Variants in SLIT2 observed in about 807,000 individuals in gnomAD.
SLIT2 encodes the protein slit homolog 2 protein.
SLIT2 carries 41 observed loss-of-function variants against 185.7 expected under a neutral mutation model. The observed-to-expected ratio is 0.22, with a 90% CI of 0.17 to 0.29. SLIT2 has a LOEUF of 0.29. Ranked by LOEUF, SLIT2 falls within the 10% of genes least tolerant of loss-of-function variation. The pLI is 1.00. For synonymous variants in SLIT2, 693 were observed against 680.2 expected (o/e 1.02, Z -0.29); for missense variants, 1,571 against 1,909.0 (o/e 0.82, Z 3.30).
intron 4 of SLIT2, among the ~76,000 whole-genome samples, chr4:20,291,786 G>A (rs909121282): frequency 2.2e-4 from 33 of 151,810 alleles, no homozygotes; most frequent in Admixed American, 2.0e-3. Context: ...TCTCTAAGCC[G>A]AGTGCCATGG....
intron 5 of SLIT2, among the ~76,000 whole-genome samples, chr4:20,471,135 G>A (rs1299749820): frequency 6.6e-6 from 1 of 152,100 alleles, no homozygotes; most frequent in Non-Finnish European, 1.5e-5. Context: ...CACAATGAAT[G>A]TATAGGTTTA....
At chr4:20,429,379 C>T (rs895999652) in intron 4 of SLIT2, among the ~76,000 whole-genome samples, 15 of 151,980 alleles carry the variant, frequency 9.9e-5, no homozygotes, top group African/African-American at 2.9e-4. Flanking sequence ...TCTTTTCTAA[C>T]GGTAAATTTA....
At chr4:20,567,481 C>G in intron 27 of SLIT2, 37 bp from the exon 28 acceptor site, 1 of 1,608,438 alleles carries the variant, frequency 6.2e-7, no homozygotes, top group Non-Finnish European at 8.5e-7. Flanking sequence ...GTGCCAAGAA[C>G]TACTTCACTC....
chr4:20,503,783 T>C (rs1054243633), intron 9 of SLIT2, among the ~76,000 whole-genome samples: 1 of 152,170 alleles, frequency 6.6e-6, no homozygotes, highest in Non-Finnish European at 1.5e-5. Flanking sequence ...GGGAATGTAT[T>C]TTAGAATGAC....
chr4:20,322,215 TAACTACATGC>T (rs1174462808), intron 4 of SLIT2, among the ~76,000 whole-genome samples: 1 of 152,220 alleles, frequency 6.6e-6, no homozygotes, highest in African/African-American at 2.4e-5. Context: ...TTGCCAAAGT[TAACTACATGC>T]ACCCATGACA....
chr4:20,431,938 T>A (rs1396620485), intron 4 of SLIT2, among the ~76,000 whole-genome samples: 1 of 151,904 alleles, frequency 6.6e-6, no homozygotes, highest in East Asian at 1.9e-4. Flanking sequence ...TAACTAAATC[T>A]CTCTCTCTCT....
At chr4:20,447,320 G>C (rs1711924223) in intron 4 of SLIT2, among the ~76,000 whole-genome samples, 1 of 152,198 alleles carries the variant, frequency 6.6e-6, no homozygotes, top group Admixed American at 6.5e-5. Context: ...AGGCTGGTGA[G>C]CAAGGGACAA....
At chr4:20,462,057 A>G (rs72619156) in intron 4 of SLIT2, among the ~76,000 whole-genome samples, 7,627 of 152,122 alleles carry the variant, frequency 0.05, 324 homozygotes, top group East Asian at 0.16. Context: ...GGTAATCTAC[A>G]TGGTTTCTTG....
intron 2 of SLIT2, among the ~76,000 whole-genome samples, chr4:20,257,080 G>C (rs1711925201): frequency 6.6e-6 from 1 of 152,046 alleles, no homozygotes; most frequent in Non-Finnish European, 1.5e-5. Flanking sequence ...TTTAGGATTT[G>C]AAATTAACTA....
At chr4:20,345,232 G>A (rs1721288680) in intron 4 of SLIT2, among the ~76,000 whole-genome samples, 1 of 152,130 alleles carries the variant, frequency 6.6e-6, no homozygotes. Context: ...AGGATATTGG[G>A]TAGTACTCAG....
In SLIT2 at chr4:20,524,121, G is replaced by A. The variant is rs571543626; in HGVS notation, c.1382G>A (p.Arg461His). The stretch of plus-strand genomic sequence containing the variant: ...AGTGGTGCCCGTTGCACCAGCCCCC[G>A]CCGCCTGGCAAACAAAAGAATTGGA... ...ETSGARCTSP[R>H]RLANKRIGQI... The change falls in exon 14 of 37, where the codon CGC becomes CAC. Residue 461 changes from arginine to histidine, a missense_variant. Arg to His is a conservative substitution (Grantham distance 29). This residue lies in a region of SLIT2 where 1,202 missense variants were observed against 1,416.4 expected (regional missense o/e 0.85). Transcript: ENST00000504154. 1.9e-5 allele frequency: 31 copies of A among 1,613,954 alleles called. No individual in the cohort carries two copies. The highest frequency in any genetic ancestry group is 1.6e-4 in the Middle Eastern group (1 of 6,084).
intron 4 of SLIT2, among the ~76,000 whole-genome samples, chr4:20,406,044 C>T (rs1003836609): frequency 2.1e-5 from 3 of 143,054 alleles, no homozygotes; most frequent in African/African-American, 7.3e-5. Flanking sequence ...ATACTACAGT[C>T]TCTTTCCCTG....
At position 20,488,837 on chromosome 4, in the gene SLIT2, C is replaced by T. The variant is rs1235798292; in HGVS notation, c.630C>T (p.Asn210=). The T allele has an allele frequency of 6.2e-7, 1 of 1,604,178 alleles. No individual in the cohort carries two copies. The highest frequency in any genetic ancestry group is 8.5e-7 in the Non-Finnish European group (1 of 1,173,966). ...KLRTFRLHSN[N]LYCDCHLAWL... ...CATTTAGTCGACTGCATTCAAACAA[C>T]CTGTATTGTGACTGCCACCTGGCCT... The change falls in exon 8 of 37, where the codon AAC becomes AAT. Residue 210 remains asparagine (N), a synonymous_variant. Coordinates refer to ENST00000504154, the MANE Select transcript of SLIT2 (RefSeq NM_004787.4).
chr4:20,554,359 T>G (rs2148896153), intron 26 of SLIT2: 3 of 459,716 alleles, frequency 6.5e-6, no homozygotes, highest in South Asian at 3.1e-5. Flanking sequence ...AAACAGGCCC[T>G]CCCCAGTGTT....
intron 4 of SLIT2, among the ~76,000 whole-genome samples, chr4:20,328,387 A>G (rs1560321389): frequency 6.6e-6 from 1 of 152,088 alleles, no homozygotes; most frequent in African/African-American, 2.4e-5. Flanking sequence ...ATCTATTTTG[A>G]TATTTTAATG....
chr4:20,485,014 T>C (rs1245770395), intron 6 of SLIT2, among the ~76,000 whole-genome samples: 13 of 152,158 alleles, frequency 8.5e-5, no homozygotes, highest in Admixed American at 8.5e-4. Flanking sequence ...CAAATCCTTG[T>C]CCAGTATCAA....
chr4:20,427,938 C>T (rs1728683597), intron 4 of SLIT2, among the ~76,000 whole-genome samples: 1 of 152,074 alleles, frequency 6.6e-6, no homozygotes. Flanking sequence ...GAGAAGAAAA[C>T]CCATTTTGAG....
intron 4 of SLIT2, among the ~76,000 whole-genome samples, chr4:20,398,684 A>G (rs1726114353): frequency 6.6e-6 from 1 of 151,760 alleles, no homozygotes; most frequent in African/African-American, 2.4e-5. Context: ...TAAACATCCC[A>G]TCCATGTTTA....
At chr4:20,346,701 G>C (rs1721440833) in intron 4 of SLIT2, among the ~76,000 whole-genome samples, 1 of 152,198 alleles carries the variant, frequency 6.6e-6, no homozygotes, top group African/African-American at 2.4e-5. Context: ...CAAAAGTCAG[G>C]AAGCTGACAA....
Sources: gnomAD v4.1 joint callset for allele counts (sites outside exome capture counted in the v4.1 genomes callset) on GRCh38, gnomAD v4.1.1 for gene constraint, gnomAD v4.1.1 regional missense constraint, MANE v1.5 for transcripts, NCBI Gene and HGNC (gene_info 2026-07-23, HGNC 2026-07-21) for gene names.